CFAP43: variants seen among roughly 807,000 people sequenced by gnomAD.
CFAP43 encodes the protein cilia- and flagella-associated protein 43.
Under a neutral mutation model 218.9 loss-of-function variants are expected in CFAP43, and 155 were observed. The observed-to-expected ratio is 0.71, with a 90% CI of 0.62 to 0.81. The LOEUF (loss-of-function observed/expected upper bound fraction) is 0.81, where lower values mean the gene tolerates loss of function less well. Ranked by LOEUF, CFAP43 falls within the 30% of genes least tolerant of loss-of-function variation. The pLI, the probability that CFAP43 is intolerant of heterozygous loss-of-function variation, is 0.00. For synonymous variants in CFAP43, 645 were observed against 681.3 expected, an observed-to-expected ratio of 0.95 and a Z score of 0.83; for missense variants, 1,778 against 1,954.3, an observed-to-expected ratio of 0.91 and a Z score of 1.70.
intron 3 of CFAP43, among the ~76,000 whole-genome samples, chr10:104,214,795 T>G (rs1184930207): frequency 1.3e-5 from 2 of 152,208 alleles, no homozygotes; most frequent in Non-Finnish European, 2.9e-5. Flanking sequence ...CATATGGATC[T>G]GGGGGTACTG....
intron 1 of CFAP43, 57 bp downstream of exon 1, chr10:104,232,125 C>A: frequency 6.4e-7 from 1 of 1,553,782 alleles, no homozygotes. Context: ...GAGGAGGGGA[C>A]TTGGGGCAGG....
rs757338374 is a variant in CFAP43 at position 104,166,539 on chromosome 10, T to C, written c.2988A>G (p.Gln996=). The change falls in exon 23 of 38, where the codon CAA becomes CAG. Residue 996 remains glutamine (Q), a synonymous_variant. Coordinates refer to ENST00000357060, the MANE Select transcript of CFAP43 (RefSeq NM_025145.7). ...FGVDTSLLSS[Q]LELHSREEKI... is the part of the protein sequence containing the mutation. ...TCTCTTCTCTGGAATGAAGCTCCAA[T>C]TGGCTTGACAATAAAGAGGTATCTA... is the stretch of plus-strand genomic sequence containing the variant. 138 of 1,613,978 alleles carry C rather than the reference T, an allele frequency of 8.6e-5. No individual in the cohort carries two copies. The highest frequency in any genetic ancestry group is 1.1e-4 in the Non-Finnish European group (132 of 1,180,014).
intron 28 of CFAP43, among the ~76,000 whole-genome samples, chr10:104,150,819 A>C (rs546341774): frequency 1.2e-4 from 18 of 151,992 alleles, no homozygotes; most frequent in Non-Finnish European, 2.2e-4. Context: ...TTTGTTGTAC[A>C]GATTATTTTG....
chr10:104,182,052 A>C (rs1468197080), intron 17 of CFAP43, among the ~76,000 whole-genome samples: 1 of 152,222 alleles, frequency 6.6e-6, no homozygotes, highest in African/African-American at 2.4e-5. Context: ...CTTCCTAAAT[A>C]ATATCTGTAA....
At position 104,172,578 on chromosome 10, in the gene CFAP43, A is replaced by G. The variant is rs576449560; in HGVS notation, c.2461-43T>C. The G allele has an allele frequency of 3.0e-5, 45 of 1,495,718 alleles. 1 individual carries two copies. In the South Asian group the frequency reaches 5.7e-4, roughly 19 times the overall value. The allele number at this position is 1,495,718 out of a possible 1,614,324, so 92.7% of individuals were successfully genotyped here. On this transcript the variant is annotated intron_variant, in intron 19 of 37. Coordinates refer to ENST00000357060, the MANE Select transcript of CFAP43 (RefSeq NM_025145.7). The stretch of plus-strand genomic sequence containing the variant: ...AAAGAGTGCTGACAAGTAAAGAATT[A>G]AACTGTAATAAGATAATTTTCTTAG...
chr10:104,218,209 G>A lies in CFAP43; in HGVS notation c.417-3783C>T, dbSNP rs552087661. ...TAAAAATACAAAAAATTAGCTGGGC[G>A]TGGTGGCGGGTGCCTGTAGTCCCAG... is the stretch of plus-strand genomic sequence containing the variant. On this transcript the variant is annotated intron_variant, in intron 3 of 37. Coordinates refer to ENST00000357060, the MANE Select transcript of CFAP43 (RefSeq NM_025145.7). Among the ~76,000 whole-genome samples, 8 of 151,990 alleles carry A rather than the reference G, an allele frequency of 5.3e-5. No homozygotes were observed. The South Asian group carries it at 1.0e-3, about 20-fold the overall frequency.
Position 104,130,196 on chromosome 10 carries a change from T to C in CFAP43, c.4941A>G (p.Leu1647=). The part of the protein sequence containing the change: ...SKQQAEQISI[L]QTEVERLRMK... ...TTCTTAATCTTTCAACTTCAGTCTG[T>C]AGTATTGAAATCTGTTCAGCTTGTT... The change falls in exon 38 of 38, where the codon CTA becomes CTG. Residue 1647 remains leucine (L), a synonymous_variant. Coordinates refer to ENST00000357060, the MANE Select transcript of CFAP43 (RefSeq NM_025145.7). 6.2e-7 allele frequency: 1 copy of C among 1,611,866 alleles called. No individual in the cohort carries two copies. The highest frequency in any genetic ancestry group is 8.5e-7 in the Non-Finnish European group (1 of 1,179,434).
chr10:104,220,166 C>A (rs555631168), intron 3 of CFAP43, among the ~76,000 whole-genome samples: 1 of 152,170 alleles, frequency 6.6e-6, no homozygotes, highest in Non-Finnish European at 1.5e-5. Flanking sequence ...TGTCTGTAAG[C>A]CAAGGACTGC....
At chr10:104,210,428 GCA>G (rs1293999096) in intron 5 of CFAP43, among the ~76,000 whole-genome samples, 35 of 152,254 alleles carry the variant, frequency 2.3e-4, no homozygotes, top group Non-Finnish European at 1.5e-4. Context: ...GTGCAATGGT[GCA>G]ATCTTGGCTC....
chr10:104,226,993 G>C (rs1182289900), intron 2 of CFAP43, among the ~76,000 whole-genome samples: 1 of 151,968 alleles, frequency 6.6e-6, no homozygotes, highest in Non-Finnish European at 1.5e-5. Flanking sequence ...ACTCCAGCCT[G>C]GGGGACAGAG....
At chr10:104,164,395 A>T in intron 23 of CFAP43, 95 bp from the exon 24 acceptor site, 1 of 1,041,958 alleles carries the variant, frequency 9.6e-7, no homozygotes, top group Non-Finnish European at 1.3e-6. Context: ...AAATCATTCC[A>T]CAAATTTTTT....
chr10:104,219,994 T>C (rs2091133687), intron 3 of CFAP43, among the ~76,000 whole-genome samples: 1 of 152,180 alleles, frequency 6.6e-6, no homozygotes, highest in Non-Finnish European at 1.5e-5. Flanking sequence ...TGTGACCTTA[T>C]TTGGAAATAT....
chr10:104,198,078 T>C (rs748812775), intron 8 of CFAP43, 40 bp from the exon 9 acceptor site: 1 of 1,238,216 alleles, frequency 8.1e-7, no homozygotes, highest in Non-Finnish European at 1.2e-6. Flanking sequence ...ATTGTAATTG[T>C]TGTGTATATA....
chr10:104,177,720 A>C (rs1399403905), intron 19 of CFAP43, among the ~76,000 whole-genome samples: 1 of 152,164 alleles, frequency 6.6e-6, no homozygotes, highest in African/African-American at 2.4e-5. Context: ...TCCAAACACT[A>C]TGGATAAAGA....
chr10:104,156,909 A>T (rs1412537669), intron 27 of CFAP43, among the ~76,000 whole-genome samples: 1 of 152,180 alleles, frequency 6.6e-6, no homozygotes, highest in Non-Finnish European at 1.5e-5. Flanking sequence ...TCAAGGACGC[A>T]GGAGAGCAAT....
In CFAP43 at chr10:104,187,351, G is replaced by A. The variant is rs2090062878; in HGVS notation, c.1829C>T (p.Pro610Leu). ...NQIYGFCSQV[P>L]YICSYLLPEE... Reference sequence around the variant, plus strand: ...AGGAAGAAGGTAGCTACAGATGTATGGCACTTGACTACAGAAGCCATATAT... The same window carrying A: ...AGGAAGAAGGTAGCTACAGATGTATAGCACTTGACTACAGAAGCCATATAT... Residue 610 changes from proline to leucine, a missense_variant, in exon 14 of 38, where the codon CCA becomes CTA. Coordinates refer to ENST00000357060, the MANE Select transcript of CFAP43 (RefSeq NM_025145.7). The A allele has an allele frequency of 6.2e-7, 1 of 1,606,950 alleles. No homozygotes were observed. The highest frequency in any genetic ancestry group is 1.3e-5 in the African/African-American group (1 of 74,606).
Position 104,182,516 on chromosome 10 carries a change from A to G in CFAP43, c.2142-3T>C. The G allele has an allele frequency of 3.2e-6, 5 of 1,566,968 alleles. No individual in the cohort carries two copies. In the South Asian group the frequency reaches 3.6e-5, roughly 11 times the overall value. ...TGGCTAGGTGTCCTCCAAATCGCCT[A>G]TATTAATAAAAAAGAAAACACAGAG... On this transcript the variant is annotated splice_polypyrimidine_tract_variant and splice_region_variant and intron_variant, in intron 16 of 37. Coordinates refer to ENST00000357060, the MANE Select transcript of CFAP43 (RefSeq NM_025145.7).
intron 5 of CFAP43, among the ~76,000 whole-genome samples, chr10:104,209,617 G>A (rs1043795378): frequency 2.0e-5 from 3 of 152,100 alleles, no homozygotes; most frequent in South Asian, 2.1e-4. Context: ...TGCAGAGTTC[G>A]TTATGTTTGT....
intron 19 of CFAP43, among the ~76,000 whole-genome samples, chr10:104,175,445 G>A (rs1007817160): frequency 2.6e-5 from 4 of 152,120 alleles, no homozygotes; most frequent in African/African-American, 9.7e-5. Flanking sequence ...AATGAAAGAT[G>A]TAAATATATA....
Sources: gnomAD v4.1 joint callset for allele counts (sites outside exome capture counted in the v4.1 genomes callset) on GRCh38, gnomAD v4.1.1 for gene constraint, MANE v1.5 for transcripts, NCBI Gene and HGNC (gene_info 2026-07-23, HGNC 2026-07-21) for gene names.